BNIP2: variants seen among roughly 807,000 people sequenced by gnomAD.
BNIP2 encodes BCL2/adenovirus E1B 19 kDa protein-interacting protein 2.
BNIP2 carries 36 observed loss-of-function variants against 43.4 expected under a neutral mutation model. That is an observed-to-expected ratio of 0.83 (90% CI 0.64 to 1.10). The LOEUF is 1.10. Among genes scored for constraint, BNIP2 ranks in the 50% least tolerant of loss-of-function variants. The probability of loss-of-function intolerance (pLI) is 0.00; values close to 1 mark genes in which losing one functional copy is unlikely to be tolerated. For synonymous variants in BNIP2, 146 were observed against 121.0 expected, an observed-to-expected ratio of 1.21 and a Z score of -1.35; for missense variants, 417 against 374.1, an observed-to-expected ratio of 1.11 and a Z score of -0.95.
intron 1 of BNIP2, among the ~76,000 whole-genome samples, chr15:59,682,914 C>A (rs1255039956): frequency 2.6e-5 from 4 of 151,958 alleles, no homozygotes; most frequent in African/African-American, 9.7e-5. Flanking sequence ...GATTCTAGAC[C>A]GTAAATAATA....
rs777276979 is a variant in BNIP2 at position 59,678,082 on chromosome 15, G to A, written c.301C>T (p.Leu101Phe). 6.3e-7 allele frequency: 1 copy of A among 1,598,852 alleles called. No homozygotes were observed. The highest frequency in any genetic ancestry group is 1.8e-5 in the Admixed American group (1 of 55,532). Residue 101 changes from leucine to phenylalanine, a missense_variant, in exon 5 of 10, where the codon CTT becomes TTT. Leu to Phe is a conservative substitution (Grantham distance 22). Transcript: ENST00000607373. ...NSNEFEWEDD[L>F]PKPKTTEVIR... The stretch of plus-strand genomic sequence containing the variant: ...ACTTCAGTAGTCTTGGGTTTTGGAA[G>A]ATCATCTGTCAAAATACAAAGTTTT...
Position 59,678,757 on chromosome 15 carries a change from G to C in BNIP2, c.296-670C>G, listed in dbSNP as rs1176115859. ...GTATTATAGTCCTTACCAAAAGATG[G>C]GGGGAGGGGGAAACCTACTGCATGT... On this transcript the variant is annotated intron_variant, in intron 4 of 9. Coordinates refer to ENST00000607373, the MANE Select transcript of BNIP2 (RefSeq NM_004330.4). 3.9e-6 allele frequency: 5 copies of C among 1,292,508 alleles called. No individual in the cohort carries two copies. In the Admixed American group the frequency reaches 7.3e-5, roughly 19 times the overall value. 80.1% of individuals were successfully genotyped at this position (1,292,508 alleles called of 1,614,324 possible).
At chr15:59,681,441 A>T (rs369455628) in intron 2 of BNIP2, among the ~76,000 whole-genome samples, 3 of 148,826 alleles carry the variant, frequency 2.0e-5, no homozygotes, top group African/African-American at 4.9e-5. Context: ...GTGGGGGGGA[A>T]CCCACAAATT....
intron 9 of BNIP2, chr15:59,667,995 T>G: frequency 1.4e-6 from 1 of 696,416 alleles, no homozygotes; most frequent in South Asian, 1.9e-5. Context: ...CATTTATATT[T>G]GCAAATGCTA....
intron 1 of BNIP2, among the ~76,000 whole-genome samples, chr15:59,687,803 C>T (rs1268242735): frequency 6.6e-6 from 1 of 152,132 alleles, no homozygotes; most frequent in Non-Finnish European, 1.5e-5. Flanking sequence ...CTTTTACATC[C>T]ATCATCTCAT....
chr15:59,687,350 T>C lies in BNIP2; in HGVS notation c.-58+1785A>G, dbSNP rs68080654. 1.7e-3 allele frequency among the ~76,000 whole-genome samples: 98 copies of C among 57,918 alleles called. 9 individuals are homozygous for C. The highest frequency in any genetic ancestry group is 1.6e-3 in the African/African-American group (36 of 22,130). The allele number at this position is 57,918 out of a possible 152,430, so 38.0% of individuals were successfully genotyped here. On this transcript the variant is annotated intron_variant, in intron 1 of 9. Coordinates refer to ENST00000607373, the MANE Select transcript of BNIP2 (RefSeq NM_004330.4). Reference sequence around the variant, plus strand: ...TAGGATGTAACATGACATCTTTTCATCCTTTTTTTTTTTTTTTTTGAGACG... The same window carrying C: ...TAGGATGTAACATGACATCTTTTCACCCTTTTTTTTTTTTTTTTTGAGACG...
rs1238617066 is a variant in BNIP2 at position 59,659,934 on chromosome 15, A to AT, written c.*4134dup. The AT allele has an allele frequency of 6.6e-6, 1 of 152,172 alleles. No individual in the cohort carries two copies. Among genetic ancestry groups the AT allele is most frequent in the Non-Finnish European group, 1.5e-5 (1 of 68,028 alleles). The allele number at this position is 152,172 out of a possible 1,614,324, so 9.4% of individuals were successfully genotyped here. ...ACTGTTAAACATGCCAGACTACTTT[A>AT]TTTTCAATTATCCTTTAGAACTTCA... On this transcript the variant is annotated 3_prime_UTR_variant, in exon 10 of 10. Transcript: ENST00000607373.
rs750296930 is a variant in BNIP2 at position 59,661,651 on chromosome 15, G to C, written c.*2418C>G. ...GGGCACTTAGAGCCTAGTGACAGAA[G>C]CATCAAATTAAGCCAGTTAAATTAG... On this transcript the variant is annotated 3_prime_UTR_variant, in exon 10 of 10. Transcript: ENST00000607373. 6.6e-6 allele frequency: 1 copy of C among 152,152 alleles called. No homozygotes were observed. The highest frequency in any genetic ancestry group is 2.4e-5 in the African/African-American group (1 of 41,424). 9.4% of individuals were successfully genotyped at this position (152,152 alleles called of 1,614,324 possible).
At chr15:59,686,573 G>A (rs1023180490) in intron 1 of BNIP2, among the ~76,000 whole-genome samples, 16 of 152,074 alleles carry the variant, frequency 1.1e-4, no homozygotes, top group Non-Finnish European at 2.1e-4. Context: ...AAACAAAAAG[G>A]TTTCATTCTA....
At chr15:59,678,663 A>C in intron 4 of BNIP2, 2 of 1,185,210 alleles carry the variant, frequency 1.7e-6, no homozygotes, top group Non-Finnish European at 2.1e-6. Context: ...ACCAATGATT[A>C]AGTGTAATTT....
intron 2 of BNIP2, among the ~76,000 whole-genome samples, chr15:59,680,870 T>C (rs571066015): frequency 1.8e-4 from 28 of 152,322 alleles, no homozygotes; most frequent in South Asian, 1.2e-3. Context: ...GCACTAGGAT[T>C]ATAGGCGTGA....
chr15:59,675,710 C>T (rs1467830503), intron 5 of BNIP2, among the ~76,000 whole-genome samples: 1 of 152,118 alleles, frequency 6.6e-6, no homozygotes, highest in Non-Finnish European at 1.5e-5. Flanking sequence ...AAGCTGGAAA[C>T]AACTCACATG....
Position 59,662,077 on chromosome 15 carries a change from C to CAAAATCA in BNIP2, c.*1985_*1991dup, listed in dbSNP as rs1285027675. The CAAAATCA allele has an allele frequency of 6.6e-6, 1 of 152,060 alleles. No individual in the cohort carries two copies. The highest frequency in any genetic ancestry group is 6.5e-5 in the Admixed American group (1 of 15,276). The allele number at this position is 152,060 out of a possible 1,614,324, so 9.4% of individuals were successfully genotyped here. ...TATCTACAGTTAGGAGCAATGACTG[C>CAAAATCA]AAAATCAAAAATCAAAATAATGCAA... On this transcript the variant is annotated 3_prime_UTR_variant, in exon 10 of 10. Transcript: ENST00000607373.
intron 9 of BNIP2, among the ~76,000 whole-genome samples, chr15:59,666,872 T>C (rs910748957): frequency 9.2e-5 from 14 of 151,912 alleles, no homozygotes; most frequent in Non-Finnish European, 1.6e-4. Flanking sequence ...TCAAACAATA[T>C]ATTTAAATAA....
At chr15:59,687,403 G>A (rs58869149) in intron 1 of BNIP2, among the ~76,000 whole-genome samples, 1 of 147,490 alleles carries the variant, frequency 6.8e-6, no homozygotes, top group Non-Finnish European at 1.5e-5. Flanking sequence ...CCAGGCTGGA[G>A]TGCAGTGCTG....
intron 5 of BNIP2, among the ~76,000 whole-genome samples, chr15:59,675,281 C>T (rs546853490): frequency 2.0e-5 from 3 of 149,064 alleles, no homozygotes; most frequent in Non-Finnish European, 3.0e-5. Flanking sequence ...AATTTGTTCA[C>T]GGTTTTAAGG....
chr15:59,681,657 C>T (rs1323043785), intron 2 of BNIP2, among the ~76,000 whole-genome samples: 4 of 151,830 alleles, frequency 2.6e-5, no homozygotes, highest in South Asian at 2.1e-4. Context: ...ATGTTGGCCA[C>T]GTTGGTCTCA....
At chr15:59,671,022 G>A (rs1308623854) in intron 7 of BNIP2, among the ~76,000 whole-genome samples, 161 bp downstream of exon 7, 1 of 149,026 alleles carries the variant, frequency 6.7e-6, no homozygotes, top group African/African-American at 2.5e-5. Context: ...GCGGTGAACC[G>A]AGATTGTGCC....
At chr15:59,682,556 T>C in intron 1 of BNIP2, 42 bp from the exon 2 acceptor site, 3 of 1,504,386 alleles carry the variant, frequency 2.0e-6, no homozygotes, top group Non-Finnish European at 1.8e-6. Flanking sequence ...TCCACTTTAC[T>C]TTTTATCCAC....
Sources: gnomAD v4.1 joint callset for allele counts (sites outside exome capture counted in the v4.1 genomes callset) on GRCh38, gnomAD v4.1.1 for gene constraint, MANE v1.5 for transcripts, NCBI Gene and HGNC (gene_info 2026-07-23, HGNC 2026-07-21) for gene names.